SSH2: variants seen among roughly 807,000 people sequenced by gnomAD.
SSH2 encodes the protein protein phosphatase Slingshot homolog 2.
SSH2 carries 37 observed loss-of-function variants against 135.2 expected under a neutral mutation model. The observed-to-expected ratio is 0.27, with a 90% CI of 0.21 to 0.36. SSH2 has a LOEUF of 0.36. Ranked by LOEUF, SSH2 falls within the 10% of genes least tolerant of loss-of-function variation. SSH2 has a pLI of 1.00. For missense variants in SSH2, 1,408 were observed against 1,765.3 expected (o/e 0.80, Z 3.63); for synonymous variants, 628 against 646.2 (o/e 0.97, Z 0.43).
intron 1 of SSH2, among the ~76,000 whole-genome samples, chr17:29,865,159 C>T (rs2065832803): frequency 6.6e-6 from 1 of 152,128 alleles, no homozygotes; most frequent in Non-Finnish European, 1.5e-5. Flanking sequence ...CTCTATTATA[C>T]ATATTTGACT....
chr17:29,684,893 T>C (rs2038147759), intron 5 of SSH2, among the ~76,000 whole-genome samples: 3 of 152,048 alleles, frequency 2.0e-5, no homozygotes. Context: ...TAATAATACC[T>C]AACTGTCAGG....
At position 29,626,841 on chromosome 17, in the gene SSH2, T is replaced by C. The variant is rs945558709; in HGVS notation, c.*4000A>G. On this transcript the variant is annotated 3_prime_UTR_variant, in exon 16 of 16. Transcript: ENST00000540801. ...TTTTAGTTTGGAAGGGAAAACAAAG[T>C]CCAAGATGCTTTTAAGTTGGATTGA... The C allele has an allele frequency of 6.6e-6, 1 of 152,564 alleles. No homozygotes were observed. Among genetic ancestry groups the C allele is most frequent in the Non-Finnish European group, 1.5e-5 (1 of 68,018 alleles). 9.5% of individuals were successfully genotyped at this position (152,564 alleles called of 1,614,324 possible). A position where few individuals can be genotyped will look rare whatever the true frequency, so the allele number is the denominator to read the frequency against.
rs183726492 is a variant in SSH2, at chr17:29,701,382, T to C, written c.292+1577A>G. 1.2e-4 allele frequency among the ~76,000 whole-genome samples: 17 copies of C among 147,554 alleles called. No individual in the cohort carries two copies. The East Asian group carries it at 3.2e-3, about 27-fold the overall frequency. On this transcript the variant is annotated intron_variant, in intron 4 of 15. Transcript: ENST00000540801. ...TCGGCCTCCCGAGGTGCTGGGATCA[T>C]AGGCGCGAGCCGTGCCTGGCTCTTT...
At chr17:29,683,150 C>T (rs1251429299) in intron 6 of SSH2, among the ~76,000 whole-genome samples, 2 of 152,142 alleles carry the variant, frequency 1.3e-5, no homozygotes, top group Non-Finnish European at 2.9e-5. Context: ...CCCCTAGCTA[C>T]CCCATAGTTC....
intron 2 of SSH2, among the ~76,000 whole-genome samples, chr17:29,833,556 T>C (rs1227546216): frequency 6.6e-6 from 1 of 152,218 alleles, no homozygotes; most frequent in Non-Finnish European, 1.5e-5. Flanking sequence ...TGTCTTTTGA[T>C]TGCAGAGTTT....
At chr17:29,904,905 A>T (rs568140493) in intron 1 of SSH2, among the ~76,000 whole-genome samples, 97 of 152,282 alleles carry the variant, frequency 6.4e-4, no homozygotes, top group African/African-American at 2.2e-3. Context: ...CACAATTGCT[A>T]AAAAAGAATA....
At chr17:29,749,251 G>T (rs1159582525) in intron 3 of SSH2, among the ~76,000 whole-genome samples, 3 of 152,158 alleles carry the variant, frequency 2.0e-5, no homozygotes, top group Non-Finnish European at 2.9e-5. Flanking sequence ...AAAGCAATGA[G>T]AGTTATAAAT....
At chr17:29,907,827 T>C (rs1272255051) in intron 1 of SSH2, among the ~76,000 whole-genome samples, 1 of 151,678 alleles carries the variant, frequency 6.6e-6, no homozygotes, top group Admixed American at 6.6e-5. Flanking sequence ...CCTTTTTTTT[T>C]TTTTTTTTTG....
intron 1 of SSH2, among the ~76,000 whole-genome samples, chr17:29,861,937 AAATT>A (rs894400867): frequency 4.9e-4 from 75 of 152,324 alleles, no homozygotes; most frequent in Admixed American, 2.0e-3. Flanking sequence ...GGGAAGCAAA[AAATT>A]AATTAAGTAC....
At chr17:29,906,096 T>C (rs2066648629) in intron 1 of SSH2, among the ~76,000 whole-genome samples, 1 of 152,216 alleles carries the variant, frequency 6.6e-6, no homozygotes. Flanking sequence ...CTTCTTCGTC[T>C]TCTTCACCCT....
At chr17:29,750,454 T>A (rs2927759) in intron 3 of SSH2, among the ~76,000 whole-genome samples, 83,618 of 147,362 alleles carry the variant, frequency 0.57, 24,801 homozygotes, top group African/African-American at 0.74. Flanking sequence ...AAAAAAAAAA[T>A]TTTTTTTTAA....
chr17:29,757,144 T>C (rs2041155177), intron 3 of SSH2, among the ~76,000 whole-genome samples: 1 of 152,320 alleles, frequency 6.6e-6, no homozygotes, highest in East Asian at 1.9e-4. Flanking sequence ...TAAATCTGAA[T>C]TGTTTAGCTG....
intron 3 of SSH2, among the ~76,000 whole-genome samples, chr17:29,746,421 G>A (rs1005413412): frequency 6.6e-6 from 1 of 151,506 alleles, no homozygotes; most frequent in Non-Finnish European, 1.5e-5. Flanking sequence ...GGTGGTGGAC[G>A]CCTGTAATCC....
intron 2 of SSH2, among the ~76,000 whole-genome samples, chr17:29,845,835 C>T (rs113663411): frequency 0.011 from 1,722 of 152,192 alleles, 32 homozygotes; most frequent in African/African-American, 0.039. Context: ...GTTGGGATTA[C>T]AGGCATGACC....
In SSH2 at chr17:29,913,043, C is replaced by T. The variant is rs905760528; in HGVS notation, c.63+16895G>A. 4.0e-5 allele frequency among the ~76,000 whole-genome samples: 6 copies of T among 151,500 alleles called. No individual in the cohort carries two copies. In the East Asian group the frequency reaches 1.2e-3, roughly 30 times the overall value. ...CATTAAAAAAAAATCTCCAGCCAGGCACAGTGGCTCAGGCCTGTAATCCCA... is the reference window on the plus strand; with the variant it reads ...CATTAAAAAAAAATCTCCAGCCAGGTACAGTGGCTCAGGCCTGTAATCCCA... On this transcript the variant is annotated intron_variant, in intron 1 of 15. Transcript: ENST00000540801.
intron 2 of SSH2, among the ~76,000 whole-genome samples, chr17:29,816,692 T>A (rs1244379640): frequency 6.6e-6 from 1 of 150,528 alleles, no homozygotes; most frequent in East Asian, 1.9e-4. Flanking sequence ...AAGAAGATTC[T>A]GCACTTAAAA....
intron 3 of SSH2, among the ~76,000 whole-genome samples, chr17:29,750,991 A>G (rs2040921992): frequency 6.6e-6 from 1 of 152,160 alleles, no homozygotes; most frequent in African/African-American, 2.4e-5. Context: ...ATCTTGCCAC[A>G]CTGGAAGGTC....
chr17:29,830,889 C>T (rs529031170), intron 2 of SSH2, among the ~76,000 whole-genome samples: 1 of 152,050 alleles, frequency 6.6e-6, no homozygotes, highest in African/African-American at 2.4e-5. Flanking sequence ...GTGGAAACCA[C>T]AAATGGGAAA....
At chr17:29,780,813 T>G (rs2041823748) in intron 3 of SSH2, among the ~76,000 whole-genome samples, 1 of 151,958 alleles carries the variant, frequency 6.6e-6, no homozygotes, top group South Asian at 2.1e-4. Flanking sequence ...TTTCCTCCCT[T>G]TTTTTATTTT....
Sources: allele counts gnomAD v4.1 joint callset (sites outside exome capture counted in the v4.1 genomes callset), GRCh38; gene constraint gnomAD v4.1.1; transcripts MANE v1.5; gene names NCBI Gene and HGNC (gene_info 2026-07-23, HGNC 2026-07-21).